The following TTC8 variants were observed in gnomAD, a reference collection of about 807,000 sequenced individuals.
TTC8 encodes tetratricopeptide repeat domain 8, also known as tetratricopeptide repeat protein 8.
TTC8 carries 47 observed loss-of-function variants against 72.5 expected under a neutral mutation model. The ratio of observed to expected loss-of-function variants is 0.65; its 90% confidence interval spans 0.51 to 0.83. TTC8 has a LOEUF of 0.83. TTC8 is among the 40% of genes least tolerant of loss of function. The pLI is 0.00. For synonymous variants in TTC8, 199 were observed against 221.4 expected, an observed-to-expected ratio of 0.90 and a Z score of 0.90; for missense variants, 611 against 623.2, an observed-to-expected ratio of 0.98 and a Z score of 0.21.
downstream of TTC8, chr14:88,878,232 C>T (rs1234051708): frequency 6.6e-6 from 1 of 152,156 alleles, no homozygotes; most frequent in Non-Finnish European, 1.5e-5. Context: ...GCACGGAAGT[C>T]AGCAATATTC....
In TTC8 at chr14:88,829,033, A is replaced by C. The variant is rs183934299; in HGVS notation, c.114+4212A>C. On this transcript the variant is annotated intron_variant, in intron 1 of 14. Coordinates refer to ENST00000380656, the MANE Select transcript of TTC8 (RefSeq NM_144596.4). The stretch of plus-strand genomic sequence containing the variant: ...ACTGAAGGGTAGATTAAATATAATA[A>C]TATGGTGTTTGGTAATGGGGAAGGG... 2.4e-3 allele frequency among the ~76,000 whole-genome samples: 362 copies of C among 152,306 alleles called. 4 individuals are homozygous for C. Among genetic ancestry groups the C allele is most frequent in the Non-Finnish European group, 4.0e-3 (270 of 68,024 alleles).
At position 88,841,140 on chromosome 14, in the gene TTC8, G is replaced by T. The variant is rs540856754; in HGVS notation, c.433G>T (p.Ala145Ser). The T allele has an allele frequency of 1.2e-6, 2 of 1,613,944 alleles. No individual in the cohort carries two copies. Among genetic ancestry groups the T allele is most frequent in the Non-Finnish European group, 1.7e-6 (2 of 1,180,012 alleles). Residue 145 changes from alanine (A) to serine (S), a missense_variant, in exon 5 of 15, where the codon GCC (alanine) becomes TCC (serine). Coordinates refer to ENST00000380656, the MANE Select transcript of TTC8 (RefSeq NM_144596.4). ...ACAGGCTATCAGAACACCCAGAACC[G>T]CCTACACAGCCCGCCCTATCACCAG... ...MEQAIRTPRT[A>S]YTARPITSSS...
intron 1 of TTC8, among the ~76,000 whole-genome samples, chr14:88,832,536 G>A (rs1368086427): frequency 2.6e-5 from 4 of 151,714 alleles, no homozygotes; most frequent in Admixed American, 2.6e-4. Context: ...TCCCTCAACC[G>A]TTTGTGTGAC....
chr14:88,824,546 C>A, upstream of TTC8: 1 of 605,240 alleles, frequency 1.7e-6, no homozygotes. Flanking sequence ...GTTCTGCTTG[C>A]GGTTGTTTTT....
chr14:88,856,201 T>C (rs2094855417), intron 8 of TTC8, among the ~76,000 whole-genome samples: 1 of 152,236 alleles, frequency 6.6e-6, no homozygotes, highest in African/African-American at 2.4e-5. Flanking sequence ...GTGGGACCTT[T>C]GAAGAGGTAG....
rs368798454 is a variant in TTC8, at chr14:88,872,387, A to G, written c.1282A>G (p.Asn428Asp). The change falls in exon 13 of 15, where the codon AAC (asparagine) becomes GAC (aspartate). Residue 428 changes from asparagine (N) to aspartate (D), a missense_variant. Physicochemically the swap from Asn to Asp is conservative, Grantham distance 23. Coordinates refer to ENST00000380656, the MANE Select transcript of TTC8 (RefSeq NM_144596.4). ...CTTCAGGCTGGCTCTGGTCAACAAC[A>G]ACAACCACGCCGAGGCCTACAACAA... ...QCFRLALVNNNNHAEAYNNLA... is the reference protein window; with the variant it reads ...QCFRLALVNNDNHAEAYNNLA... 4.3e-6 allele frequency: 7 copies of G among 1,614,026 alleles called. No individual in the cohort carries two copies. Among genetic ancestry groups the G allele is most frequent in the Non-Finnish European group, 5.9e-6 (7 of 1,179,940 alleles).
chr14:88,850,318 A>G (rs146175408), intron 7 of TTC8, among the ~76,000 whole-genome samples: 1,942 of 152,336 alleles, frequency 0.013, 18 homozygotes, highest in Non-Finnish European at 0.02. Flanking sequence ...TCTTCTGTGC[A>G]CAGCAATATT....
rs557696338 is a variant in TTC8, at chr14:88,828,808, G to A, written c.114+3987G>A. Among the ~76,000 whole-genome samples the A allele has an allele frequency of 1.6e-4, 24 of 152,224 alleles. 1 individual carries two copies. The East Asian group carries it at 4.6e-3, about 29-fold the overall frequency. On this transcript the variant is annotated intron_variant, in intron 1 of 14. Coordinates refer to ENST00000380656, the MANE Select transcript of TTC8 (RefSeq NM_144596.4). The stretch of plus-strand genomic sequence containing the variant: ...TTATTGAGATGAAGGCCACCTCTAA[G>A]ACTATTTATATGCATTTATTTCGCC...
intron 10 of TTC8, among the ~76,000 whole-genome samples, chr14:88,869,746 A>C (rs1320269228): frequency 6.6e-6 from 1 of 151,770 alleles, no homozygotes; most frequent in Admixed American, 6.6e-5. Flanking sequence ...ACCTCCTCCA[A>C]AGTGGCCCCT....
At chr14:88,848,239 A>C (rs1325292614) in intron 7 of TTC8, among the ~76,000 whole-genome samples, 1 of 151,922 alleles carries the variant, frequency 6.6e-6, no homozygotes, top group Non-Finnish European at 1.5e-5. Flanking sequence ...GTAAATAAGC[A>C]CATTAGAGGT....
chr14:88,870,275 T>A, intron 11 of TTC8, 77 bp downstream of exon 11: 1 of 1,503,362 alleles, frequency 6.7e-7, no homozygotes, highest in East Asian at 2.3e-5. Flanking sequence ...GGAATGAAAG[T>A]ATAGAGAAAT....
downstream of TTC8, chr14:88,879,173 AAAG>A (rs1435849197): frequency 6.6e-6 from 1 of 152,330 alleles, no homozygotes; most frequent in African/African-American, 2.4e-5. Flanking sequence ...GCATGAAGGC[AAAG>A]AATGAGTCAC....
At chr14:88,841,630 A>G in intron 6 of TTC8, 116 bp downstream of exon 6, 1 of 897,726 alleles carries the variant, frequency 1.1e-6, no homozygotes, top group Non-Finnish European at 1.8e-6. Context: ...ATTGAAGTGG[A>G]AATGTTTTAT....
chr14:88,852,990 T>G lies in TTC8; in HGVS notation c.644T>G (p.Leu215Arg). ...TCAAAGGCTTTGGATCTGGCTGCCCTCTCCACAGAACATTCTCAGTACAAG... is the reference window on the plus strand; with the variant it reads ...TCAAAGGCTTTGGATCTGGCTGCCCGCTCCACAGAACATTCTCAGTACAAG... ...DVKTALDLAA[L>R]STEHSQYKDW... Residue 215 changes from leucine to arginine, a missense_variant, in exon 8 of 15, where the codon CTC becomes CGC. Transcript: ENST00000380656. 1 of 1,613,480 alleles carries G rather than the reference T, an allele frequency of 6.2e-7. No homozygotes were observed. Among genetic ancestry groups the G allele is most frequent in the Non-Finnish European group, 8.5e-7 (1 of 1,179,566 alleles).
chr14:88,833,994 A>T, intron 2 of TTC8: 1 of 471,052 alleles, frequency 2.1e-6, no homozygotes, highest in South Asian at 2.5e-5. Context: ...TTAGAAGGAT[A>T]TGAAAAATAA....
rs374485147 is a variant in TTC8 at position 88,862,073 on chromosome 14, C to T, written c.909+741C>T. On this transcript the variant is annotated intron_variant, in intron 10 of 14. Transcript: ENST00000380656. The stretch of plus-strand genomic sequence containing the variant: ...ACCTCCATACTGTTTTCCATAACAA[C>T]TATACTACTTTACATTCCCATCAAC... Among the ~76,000 whole-genome samples, 23 of 152,214 alleles carry T rather than the reference C, an allele frequency of 1.5e-4. No homozygotes were observed. In the East Asian group the frequency reaches 4.3e-3, roughly 28 times the overall value.
Position 88,870,075 on chromosome 14 carries a change from C to T in TTC8, c.926C>T (p.Ser309Leu), listed in dbSNP as rs1434266055. The change falls in exon 11 of 15, where the codon TCA (serine) becomes TTA (leucine). Residue 309 changes from serine (S) to leucine (L), a missense_variant. Coordinates refer to ENST00000380656, the MANE Select transcript of TTC8 (RefSeq NM_144596.4). ...GGAGAATAGGAAATGAACAATATGTCATCAGCAGCAGAATATTACAAAGAA... is the reference window on the plus strand; with the variant it reads ...GGAGAATAGGAAATGAACAATATGTTATCAGCAGCAGAATATTACAAAGAA... ...ARIYEEMNNM[S>L]SAAEYYKEVL... 3.7e-6 allele frequency: 6 copies of T among 1,613,906 alleles called. No individual in the cohort carries two copies. Among genetic ancestry groups the T allele is most frequent in the East Asian group, 2.2e-5 (1 of 44,846 alleles).
chr14:88,851,399 A>G (rs961275794), intron 7 of TTC8, among the ~76,000 whole-genome samples: 5 of 152,204 alleles, frequency 3.3e-5, no homozygotes, highest in Non-Finnish European at 2.9e-5. Flanking sequence ...TGCAAGCAAA[A>G]CCAGCAACCT....
At chr14:88,859,784 A>G (rs2141012406) in intron 9 of TTC8, among the ~76,000 whole-genome samples, 1 of 131,610 alleles carries the variant, frequency 7.6e-6, no homozygotes, top group East Asian at 2.0e-4. Context: ...ATGAAATTCA[A>G]TATATATTTA....
Sources: gnomAD v4.1 joint callset for allele counts (sites outside exome capture counted in the v4.1 genomes callset) on GRCh38, gnomAD v4.1.1 for gene constraint, MANE v1.5 for transcripts, NCBI Gene and HGNC (gene_info 2026-07-23, HGNC 2026-07-21) for gene names.